Variants in FGF13 observed in about 807,000 individuals in gnomAD.
The protein encoded by FGF13 is fibroblast growth factor 13.
A neutral mutation model predicts 19.5 loss-of-function variants in FGF13; 2 were observed. The observed-to-expected ratio is 0.10, with a 90% CI of 0.04 to 0.32. The LOEUF (loss-of-function observed/expected upper bound fraction) is 0.32, where lower values mean the gene tolerates loss of function less well. Ranked by LOEUF, FGF13 falls within the 10% of genes least tolerant of loss-of-function variation. The pLI is 1.00. For missense variants in FGF13, 113 were observed against 192.7 expected (o/e 0.59, Z 2.45); for synonymous variants, 72 against 76.9 (o/e 0.94, Z 0.33).
rs1242557475 is a variant in FGF13 at position 138,621,792 on chromosome X, TGATCA to T, written c.*11053_*11057del. 9.0e-6 allele frequency: 1 copy of T among 111,075 alleles called. No individual in the cohort carries two copies. Among genetic ancestry groups the T allele is most frequent in the Non-Finnish European group, 1.9e-5 (1 of 52,880 alleles). 9.2% of individuals were successfully genotyped at this position (111,075 alleles called of 1,213,427 possible). On this transcript the variant is annotated 3_prime_UTR_variant, in exon 5 of 5. Transcript: ENST00000315930. ...ACAACTGATACCATAGAAATATAAA[TGATCA>T]TTAGAGACTATTATGAACAATTATA...
intron 3 of FGF13, among the ~76,000 whole-genome samples, chrX:138,759,185 T>C (rs767891225): frequency 7.1e-5 from 8 of 112,391 alleles, no homozygotes; most frequent in African/African-American, 6.5e-5. Context: ...ACCAAGGGCT[T>C]GGGATGGCAT....
chrX:138,867,003 A>G (rs2091328169), intron 1 of FGF13, among the ~76,000 whole-genome samples: 2 of 111,806 alleles, frequency 1.8e-5, no homozygotes, highest in South Asian at 3.8e-4. Context: ...TCAATTTCCT[A>G]TCTCTTACAG....
Position 138,711,203 on chromosome X carries a change from G to A in FGF13, c.-200C>T. 9.4e-7 allele frequency: 1 copy of A among 1,062,161 alleles called. No individual in the cohort carries two copies. Among genetic ancestry groups the A allele is most frequent in the Non-Finnish European group, 1.2e-6 (1 of 828,040 alleles). 87.5% of individuals were successfully genotyped at this position (1,062,161 alleles called of 1,213,427 possible). ...TGCCGTCCGAGCTCCTCCGGCGGCGGTCCGGCTCCCGCGCGGGCTGCTGGC... is the reference window on the plus strand; with the variant it reads ...TGCCGTCCGAGCTCCTCCGGCGGCGATCCGGCTCCCGCGCGGGCTGCTGGC... On this transcript the variant is annotated 5_prime_UTR_variant, in exon 1 of 5. Coordinates refer to ENST00000315930, the MANE Select transcript of FGF13 (RefSeq NM_004114.5).
intron 3 of FGF13, among the ~76,000 whole-genome samples, chrX:138,812,309 A>T (rs1368964970): frequency 1.8e-5 from 2 of 112,002 alleles, no homozygotes; most frequent in Non-Finnish European, 3.8e-5. Context: ...CAGGTGATGA[A>T]CTTTGAGTCA....
chrX:138,830,687 T>TGTG (rs1556225883), intron 3 of FGF13, among the ~76,000 whole-genome samples: 39 of 87,515 alleles, frequency 4.5e-4, no homozygotes, highest in South Asian at 3.4e-3. Context: ...AAAGGGGTGT[T>TGTG]TGTGTGTGTG....
intron 1 of FGF13, among the ~76,000 whole-genome samples, chrX:139,065,497 A>G (rs1041523252): frequency 7.3e-4 from 50 of 68,579 alleles, no homozygotes; most frequent in African/African-American, 1.1e-3. Flanking sequence ...AAAAAAAAAG[A>G]AAAAGAAAAA....
chrX:138,828,877 C>T (rs2091053114), intron 3 of FGF13, among the ~76,000 whole-genome samples: 1 of 111,390 alleles, frequency 9.0e-6, no homozygotes, highest in South Asian at 3.8e-4. Context: ...AGACACAGGA[C>T]ATTCCCTCTA....
intron 3 of FGF13, among the ~76,000 whole-genome samples, chrX:138,647,122 C>A (rs2089315523): frequency 9.4e-6 from 1 of 106,497 alleles, no homozygotes; most frequent in Admixed American, 1.0e-4. Flanking sequence ...AAGTAAAGTT[C>A]TTCTGTAAAG....
At chrX:138,952,709 T>C (rs777424672) in intron 1 of FGF13, among the ~76,000 whole-genome samples, 29 of 111,525 alleles carry the variant, frequency 2.6e-4, no homozygotes, top group South Asian at 7.6e-4. Context: ...AGAATCTACA[T>C]TGAACATAAA....
intron 1 of FGF13, among the ~76,000 whole-genome samples, chrX:139,106,062 C>T (rs758689799): frequency 3.4e-4 from 38 of 112,154 alleles, no homozygotes; most frequent in African/African-American, 1.1e-3. Context: ...AGTGACACTG[C>T]ATGGGAATGC....
intron 1 of FGF13, among the ~76,000 whole-genome samples, chrX:138,943,877 T>C (rs2091770081): frequency 9.0e-6 from 1 of 111,692 alleles, no homozygotes; most frequent in Non-Finnish European, 1.9e-5. Context: ...GCAGCTGAAA[T>C]ACGCTATAGG....
rs1367214094 is a variant in FGF13, at chrX:138,737,302, C to T, written c.28+1940G>A. Among the ~76,000 whole-genome samples the T allele has an allele frequency of 6.3e-5, 7 of 111,928 alleles. No individual in the cohort carries two copies. The East Asian group carries it at 2.0e-3, about 32-fold the overall frequency. On this transcript the variant is annotated intron_variant, in intron 1 of 4. Coordinates refer to the FGF13 transcript ENST00000305414. The stretch of plus-strand genomic sequence containing the variant: ...GAAGGCTAAGAGATAAACCATGTGA[C>T]CTTTCTTGCGACTCGCCATTCTTTG...
chrX:138,876,145 C>T (rs1157309200), intron 1 of FGF13, among the ~76,000 whole-genome samples: 1 of 111,722 alleles, frequency 9.0e-6, no homozygotes, highest in African/African-American at 3.3e-5. Flanking sequence ...TTTGACATGG[C>T]TGCTTTGGTT....
At chrX:139,152,977 G>A (rs1409090732) in intron 1 of FGF13, among the ~76,000 whole-genome samples, 4 of 110,672 alleles carry the variant, frequency 3.6e-5, no homozygotes, top group Non-Finnish European at 7.6e-5. Context: ...TTCTCTTACT[G>A]CACTCAGAAA....
chrX:139,106,408 C>T (rs1394659875), intron 1 of FGF13, among the ~76,000 whole-genome samples: 1 of 112,304 alleles, frequency 8.9e-6, no homozygotes, highest in African/African-American at 3.2e-5. Flanking sequence ...TGTTCCATTC[C>T]AATGTCATGA....
intron 1 of FGF13, among the ~76,000 whole-genome samples, chrX:139,055,676 A>G (rs1426157855): frequency 8.9e-6 from 1 of 112,736 alleles, no homozygotes; most frequent in Non-Finnish European, 1.9e-5. Context: ...CATCTTCAAC[A>G]TCGTCTTATC....
At position 139,158,660 on chromosome X, in the gene FGF13, G is replaced by A. The variant is rs183911754; in HGVS notation, c.-113+44756C>T. On this transcript the variant is annotated intron_variant, in intron 1 of 2. Coordinates refer to the FGF13 transcript ENST00000421460. ...ACCTGATGGAGGTGAAAAACACAGCGTAAGAACTTTGTGAAGCAGACAGAG... is the reference window on the plus strand; with the variant it reads ...ACCTGATGGAGGTGAAAAACACAGCATAAGAACTTTGTGAAGCAGACAGAG... Among the ~76,000 whole-genome samples the A allele has an allele frequency of 3.5e-3, 385 of 111,161 alleles. 5 individuals carry two copies. The highest frequency in any genetic ancestry group is 0.011 in the African/African-American group (346 of 30,659).
At chrX:139,194,688 T>C (rs1476197756) in intron 1 of FGF13, among the ~76,000 whole-genome samples, 1 of 111,086 alleles carries the variant, frequency 9.0e-6, no homozygotes, top group Non-Finnish European at 1.9e-5. Flanking sequence ...AGGGCGCGCC[T>C]CCCTGAGCCC....
chrX:138,813,939 T>C (rs1202142111), intron 3 of FGF13, among the ~76,000 whole-genome samples: 1 of 111,297 alleles, frequency 9.0e-6, no homozygotes, highest in Non-Finnish European at 1.9e-5. Flanking sequence ...ATAATTAGAA[T>C]GGCAGTGGAG....
Sources: gnomAD v4.1 joint callset for allele counts (sites outside exome capture counted in the v4.1 genomes callset) on GRCh38, gnomAD v4.1.1 for gene constraint, MANE v1.5 for transcripts, NCBI Gene and HGNC (gene_info 2026-07-23, HGNC 2026-07-21) for gene names.